DGKB: variants seen among roughly 807,000 people sequenced by gnomAD.
DGKB encodes the protein diacylglycerol kinase beta.
In DGKB, 67 loss-of-function variants were observed where a neutral mutation model predicts 114.3. The observed-to-expected ratio is 0.59, with a 90% CI of 0.48 to 0.72. The LOEUF (loss-of-function observed/expected upper bound fraction) is 0.72, where lower values mean the gene tolerates loss of function less well. Among genes scored for constraint, DGKB ranks in the 30% least tolerant of loss-of-function variants. The pLI is 0.00. For synonymous variants in DGKB, 398 were observed against 323.1 expected, an observed-to-expected ratio of 1.23 and a Z score of -2.49; for missense variants, 907 against 975.2, an observed-to-expected ratio of 0.93 and a Z score of 0.93.
chr7:14,195,036 T>C (rs75744044), intron 23 of DGKB, among the ~76,000 whole-genome samples: 6,933 of 152,176 alleles, frequency 0.046, 514 homozygotes, highest in African/African-American at 0.16. Context: ...GTTTAAAGAC[T>C]TCCCACAGCA....
intron 1 of DGKB, among the ~76,000 whole-genome samples, chr7:14,970,442 G>A (rs1241730654): frequency 6.6e-6 from 1 of 151,792 alleles, no homozygotes; most frequent in Non-Finnish European, 1.5e-5. Context: ...GCAGAAACAG[G>A]TTTGGCAAAT....
chr7:14,952,675 G>C (rs966273334), intron 1 of DGKB, among the ~76,000 whole-genome samples: 1 of 151,976 alleles, frequency 6.6e-6, no homozygotes, highest in African/African-American at 2.4e-5. Flanking sequence ...AAAATTGCTT[G>C]AACCTGGGAG....
In DGKB at chr7:14,272,577, T is replaced by G. The variant is rs145047127; in HGVS notation, c.2122+65938A>C. ...AAGATTCATTGCACAGTAGTTATCT[T>G]TATCTGCCATACTGTTAGCACCTCC... On this transcript the variant is annotated intron_variant, in intron 23 of 25. Transcript: ENST00000402815. Among the ~76,000 whole-genome samples the G allele has an allele frequency of 9.1e-4, 139 of 152,320 alleles. 1 individual carries two copies. The highest frequency in any genetic ancestry group is 1.6e-3 in the Non-Finnish European group (107 of 68,028).
intron 21 of DGKB, among the ~76,000 whole-genome samples, chr7:14,389,984 T>G (rs1000665792): frequency 3.3e-5 from 5 of 152,144 alleles, no homozygotes; most frequent in African/African-American, 1.2e-4. Context: ...AGTGAGACAC[T>G]TCCAACACAG....
chr7:14,586,508 T>C (rs1800791124), intron 17 of DGKB, among the ~76,000 whole-genome samples: 1 of 152,166 alleles, frequency 6.6e-6, no homozygotes, highest in Admixed American at 6.6e-5. Flanking sequence ...GCTACAATTA[T>C]TGATAAAGGT....
intron 1 of DGKB, among the ~76,000 whole-genome samples, chr7:14,848,650 G>A (rs531243934): frequency 6.6e-6 from 1 of 152,308 alleles, no homozygotes; most frequent in East Asian, 1.9e-4. Context: ...TTAGCAGTCT[G>A]TACTTCTTAG....
intron 1 of DGKB, among the ~76,000 whole-genome samples, chr7:14,968,116 T>A (rs1016719066): frequency 1.3e-5 from 2 of 152,122 alleles, no homozygotes; most frequent in Non-Finnish European, 2.9e-5. Context: ...ATTTATATGA[T>A]CCTCTTTACA....
intron 2 of DGKB, among the ~76,000 whole-genome samples, chr7:14,812,285 C>T (rs544352119): frequency 2.0e-5 from 3 of 152,068 alleles, no homozygotes; most frequent in Non-Finnish European, 4.4e-5. Flanking sequence ...TGGGCTTTCA[C>T]TTTTATTACC....
chr7:14,214,822 C>G (rs1185305513), intron 23 of DGKB, among the ~76,000 whole-genome samples: 1 of 152,120 alleles, frequency 6.6e-6, no homozygotes, highest in African/African-American at 2.4e-5. Context: ...AAGCTAATTT[C>G]AAATGAATAA....
chr7:14,310,950 G>T (rs1805290406), intron 23 of DGKB, among the ~76,000 whole-genome samples: 1 of 151,882 alleles, frequency 6.6e-6, no homozygotes, highest in Non-Finnish European at 1.5e-5. Context: ...GGAACACAGT[G>T]AGACCTCGTC....
intron 1 of DGKB, among the ~76,000 whole-genome samples, chr7:14,953,074 G>A (rs1786298518): frequency 6.6e-6 from 1 of 151,946 alleles, no homozygotes; most frequent in African/African-American, 2.4e-5. Flanking sequence ...ATACACCATA[G>A]GCCTACATGT....
intron 1 of DGKB, among the ~76,000 whole-genome samples, chr7:14,923,142 AG>A (rs1389770997): frequency 1.3e-5 from 2 of 152,184 alleles, no homozygotes; most frequent in Non-Finnish European, 2.9e-5. Flanking sequence ...ATTGCTATTG[AG>A]TCAGCTGTCT....
intron 23 of DGKB, among the ~76,000 whole-genome samples, chr7:14,246,301 T>G (rs17168017): frequency 0.049 from 7,395 of 152,292 alleles, 258 homozygotes; most frequent in East Asian, 0.18. Flanking sequence ...CAGGACTTTA[T>G]GTTATCTGTT....
intron 17 of DGKB, among the ~76,000 whole-genome samples, chr7:14,601,283 C>T (rs1563643699): frequency 6.6e-6 from 1 of 152,160 alleles, no homozygotes; most frequent in Admixed American, 6.5e-5. Flanking sequence ...TGAGATCCCA[C>T]AGGTGCTCTG....
intron 17 of DGKB, among the ~76,000 whole-genome samples, chr7:14,588,016 A>G (rs1801066375): frequency 6.6e-6 from 1 of 152,084 alleles, no homozygotes; most frequent in Admixed American, 6.6e-5. Context: ...GGTAGTGGCC[A>G]CTTTAGAGTA....
intron 20 of DGKB, among the ~76,000 whole-genome samples, chr7:14,483,842 GT>G (rs1405396220): frequency 6.6e-6 from 1 of 152,036 alleles, no homozygotes; most frequent in Non-Finnish European, 1.5e-5. Flanking sequence ...CACAAGAAAT[GT>G]TTTGTTCTCC....
intron 1 of DGKB, among the ~76,000 whole-genome samples, chr7:14,862,102 C>T (rs1253708887): frequency 6.6e-6 from 1 of 151,930 alleles, no homozygotes; most frequent in Non-Finnish European, 1.5e-5. Context: ...GCTTCCTTAA[C>T]TATTAATGAA....
At chr7:14,897,680 C>T (rs186712641) in intron 1 of DGKB, among the ~76,000 whole-genome samples, 4 of 151,964 alleles carry the variant, frequency 2.6e-5, no homozygotes, top group African/African-American at 9.6e-5. Flanking sequence ...CAAAATATTG[C>T]CCCACGTATT....
At chr7:14,289,874 C>A (rs1469368658) in intron 23 of DGKB, among the ~76,000 whole-genome samples, 1 of 151,748 alleles carries the variant, frequency 6.6e-6, no homozygotes, top group Non-Finnish European at 1.5e-5. Context: ...CTTTGCAAAT[C>A]AAATATCATC....
Sources: allele counts gnomAD v4.1 joint callset (sites outside exome capture counted in the v4.1 genomes callset), GRCh38; gene constraint gnomAD v4.1.1; transcripts MANE v1.5; gene names NCBI Gene and HGNC (gene_info 2026-07-23, HGNC 2026-07-21).